The following ADAMTSL1 variants were observed in gnomAD, a reference collection of about 807,000 sequenced individuals.
ADAMTSL1 encodes ADAMTS-like protein 1.
In ADAMTSL1, 126 loss-of-function variants were observed where a neutral mutation model predicts 201.8. The observed-to-expected ratio is 0.62, with a 90% confidence interval of 0.54 to 0.72. The LOEUF is 0.72. Ranked by LOEUF, ADAMTSL1 falls within the 30% of genes least tolerant of loss-of-function variation. The pLI, the probability that ADAMTSL1 is intolerant of heterozygous loss-of-function variation, is 0.00. For synonymous variants in ADAMTSL1, 1,121 were observed against 903.4 expected, an observed-to-expected ratio of 1.24 and a Z score of -4.32; for missense variants, 2,679 against 2,277.8, an observed-to-expected ratio of 1.18 and a Z score of -3.59.
chr9:18,061,146 G>A (rs947076547), intron 1 of ADAMTSL1, among the ~76,000 whole-genome samples: 5 of 152,114 alleles, frequency 3.3e-5, no homozygotes, highest in Admixed American at 3.3e-4. Context: ...AGAAAAAAGA[G>A]CCATGACTTA....
intron 2 of ADAMTSL1, among the ~76,000 whole-genome samples, chr9:18,388,264 AT>A (rs1337391421): frequency 6.6e-6 from 1 of 151,034 alleles, no homozygotes; most frequent in Non-Finnish European, 1.5e-5. Flanking sequence ...TTTATACTTA[AT>A]TTTTTTGTTT....
chr9:18,169,489 C>G (rs1827793351), intron 2 of ADAMTSL1, among the ~76,000 whole-genome samples: 1 of 152,046 alleles, frequency 6.6e-6, no homozygotes, highest in Non-Finnish European at 1.5e-5. Flanking sequence ...ATCTATATCT[C>G]TGTTTTGGTA....
chr9:18,685,699 C>T (rs187425176), intron 13 of ADAMTSL1, among the ~76,000 whole-genome samples: 16 of 152,272 alleles, frequency 1.1e-4, no homozygotes, highest in South Asian at 4.1e-4. Context: ...TATAAATTAA[C>T]GTTGCAACCT....
chr9:18,862,945 G>A (rs1827301424), intron 23 of ADAMTSL1, among the ~76,000 whole-genome samples: 1 of 152,124 alleles, frequency 6.6e-6, no homozygotes, highest in South Asian at 2.1e-4. Flanking sequence ...AAGGACTTAT[G>A]GGAACCCTGT....
rs759435938 is a variant in ADAMTSL1, at chr9:18,817,128, G to A, written c.3825G>A (p.Thr1275=). ...CTTCAGGAAAGCCACTAGTGAAAAC[G>A]TCACGAATGACAGTGATCAACACGG... ...VTLAGKPLVK[T]SRMTVINTEK... The change falls in exon 21 of 29, where the codon ACG becomes ACA. Residue 1275 remains threonine, a synonymous_variant. Coordinates refer to ENST00000380548, the MANE Select transcript of ADAMTSL1 (RefSeq NM_001040272.6). 44 of 1,607,334 alleles carry A rather than the reference G, an allele frequency of 2.7e-5. No individual in the cohort carries two copies. Among genetic ancestry groups the A allele is most frequent in the Admixed American group, 5.1e-5 (3 of 59,184 alleles).
intron 23 of ADAMTSL1, among the ~76,000 whole-genome samples, chr9:18,883,778 T>G (rs1021212196): frequency 6.6e-6 from 1 of 152,242 alleles, no homozygotes; most frequent in African/African-American, 2.4e-5. Flanking sequence ...TAATATTCCA[T>G]CATACATATA....
intron 1 of ADAMTSL1, among the ~76,000 whole-genome samples, chr9:18,129,854 C>A (rs1277290626): frequency 3.3e-5 from 5 of 152,118 alleles, no homozygotes; most frequent in African/African-American, 1.2e-4. Flanking sequence ...GGTCAAGAAA[C>A]CTTCCCTTGT....
intron 2 of ADAMTSL1, among the ~76,000 whole-genome samples, chr9:18,404,423 C>T (rs959240698): frequency 9.9e-5 from 15 of 152,260 alleles, no homozygotes; most frequent in Admixed American, 2.6e-4. Flanking sequence ...GCAGGTTTTA[C>T]GCATTTCTTT....
intron 6 of ADAMTSL1, among the ~76,000 whole-genome samples, chr9:18,636,420 A>G (rs764143363): frequency 1.3e-5 from 2 of 151,496 alleles, no homozygotes; most frequent in Non-Finnish European, 2.9e-5. Flanking sequence ...ACCTACTTTC[A>G]TGTTTCATTA....
At chr9:17,909,882 G>C (rs1825867359) in intron 1 of ADAMTSL1, among the ~76,000 whole-genome samples, 1 of 67,378 alleles carries the variant, frequency 1.5e-5, no homozygotes, top group African/African-American at 3.0e-5. Context: ...CCTAATGCTA[G>C]ATGAGGAGTT....
At chr9:18,526,070 G>A (rs1819026266) in intron 2 of ADAMTSL1, among the ~76,000 whole-genome samples, 1 of 152,066 alleles carries the variant, frequency 6.6e-6, no homozygotes, top group Admixed American at 6.6e-5. Context: ...TTATTGTGTG[G>A]GAGTCTAAGT....
chr9:18,090,932 A>T (rs1473087562), intron 1 of ADAMTSL1, among the ~76,000 whole-genome samples: 1 of 151,730 alleles, frequency 6.6e-6, no homozygotes, highest in Non-Finnish European at 1.5e-5. Context: ...TGGGCTGTGT[A>T]CACATGGAAC....
intron 1 of ADAMTSL1, among the ~76,000 whole-genome samples, chr9:17,973,520 C>G (rs1464677230): frequency 8.8e-6 from 1 of 113,400 alleles, no homozygotes; most frequent in Admixed American, 1.1e-4. Flanking sequence ...TTCCATTGAT[C>G]TATATCTCTG....
intron 2 of ADAMTSL1, among the ~76,000 whole-genome samples, chr9:18,304,246 C>A (rs1466736628): frequency 6.6e-6 from 1 of 151,710 alleles, no homozygotes; most frequent in Non-Finnish European, 1.5e-5. Context: ...TTTGAAGTGA[C>A]GGTGGCAAGA....
intron 19 of ADAMTSL1, among the ~76,000 whole-genome samples, chr9:18,779,613 C>G (rs1404345834): frequency 1.3e-5 from 2 of 152,214 alleles, no homozygotes; most frequent in East Asian, 3.9e-4. Context: ...TGTCCACGCC[C>G]TCCAGCCCCC....
chr9:18,085,842 C>T (rs12237150), intron 1 of ADAMTSL1, among the ~76,000 whole-genome samples: 5,481 of 151,694 alleles, frequency 0.036, 385 homozygotes, highest in East Asian at 0.36. Flanking sequence ...ACTCTGGCTG[C>T]TGTTTGGAGA....
At chr9:18,220,590 CT>C (rs1830219088) in intron 2 of ADAMTSL1, among the ~76,000 whole-genome samples, 1 of 151,912 alleles carries the variant, frequency 6.6e-6, no homozygotes, top group Admixed American at 6.6e-5. Flanking sequence ...AACTGGTAAA[CT>C]TGTTGTGTAG....
intron 2 of ADAMTSL1, among the ~76,000 whole-genome samples, chr9:18,321,843 C>A (rs1383295168): frequency 1.3e-5 from 2 of 152,062 alleles, no homozygotes; most frequent in African/African-American, 4.8e-5. Context: ...TAAGTGCATT[C>A]TTTTCAAGTG....
At chr9:18,753,026 C>T (rs552233595) in intron 15 of ADAMTSL1, among the ~76,000 whole-genome samples, 12 of 152,252 alleles carry the variant, frequency 7.9e-5, no homozygotes, top group African/African-American at 2.9e-4. Flanking sequence ...TTATATGTGC[C>T]ATCAGAATAA....
Sources: gnomAD v4.1 joint callset for allele counts (sites outside exome capture counted in the v4.1 genomes callset) on GRCh38, gnomAD v4.1.1 for gene constraint, MANE v1.5 for transcripts, NCBI Gene and HGNC (gene_info 2026-07-23, HGNC 2026-07-21) for gene names.